CERS6: variants seen among roughly 807,000 people sequenced by gnomAD.
CERS6 encodes LAG1 homolog, ceramide synthase 6.
In CERS6, 26 loss-of-function variants were observed where a neutral mutation model predicts 56.8. The ratio of observed to expected loss-of-function variants is 0.46; its 90% CI spans 0.34 to 0.63. The LOEUF is 0.63. CERS6 is among the 30% of genes least tolerant of loss of function. The probability of loss-of-function intolerance (pLI) is 0.01; values close to 1 mark genes in which losing one functional copy is unlikely to be tolerated. For missense variants in CERS6, 415 were observed against 467.5 expected, an observed-to-expected ratio of 0.89 and a Z score of 1.04; for synonymous variants, 164 against 173.3, an observed-to-expected ratio of 0.95 and a Z score of 0.42.
At chr2:168,476,218 T>G (rs1452627865) in intron 1 of CERS6, among the ~76,000 whole-genome samples, 1 of 152,092 alleles carries the variant, frequency 6.6e-6, no homozygotes, top group Non-Finnish European at 1.5e-5. Context: ...CCTCTTTTTT[T>G]TTTTTAATCA....
intron 1 of CERS6, among the ~76,000 whole-genome samples, chr2:168,505,067 C>A (rs2105347187): frequency 6.6e-6 from 1 of 151,990 alleles, no homozygotes; most frequent in Admixed American, 6.6e-5. Context: ...AATGGTATCT[C>A]CCTAATGAGA....
At chr2:168,498,896 A>G (rs1035058552) in intron 1 of CERS6, among the ~76,000 whole-genome samples, 6 of 152,110 alleles carry the variant, frequency 3.9e-5, no homozygotes, top group African/African-American at 1.4e-4. Context: ...AGGGGGTATA[A>G]TGAGGTGTGT....
At chr2:168,645,181 A>AGAGAGAGAGAGT (rs1332171299) in intron 4 of CERS6, among the ~76,000 whole-genome samples, 16 of 120,668 alleles carry the variant, frequency 1.3e-4, no homozygotes, top group Non-Finnish European at 2.4e-4. Context: ...AGAGAGAGAG[A>AGAGAGAGAGAGT]GAGAGAGAGT....
chr2:168,496,171 T>C (rs1694464328), intron 1 of CERS6, among the ~76,000 whole-genome samples: 1 of 152,232 alleles, frequency 6.6e-6, no homozygotes, highest in Non-Finnish European at 1.5e-5. Flanking sequence ...ATTTCACTTA[T>C]TCAATTAATC....
At chr2:168,521,553 G>A (rs532809920) in intron 1 of CERS6, among the ~76,000 whole-genome samples, 1 of 152,272 alleles carries the variant, frequency 6.6e-6, no homozygotes, top group African/African-American at 2.4e-5. Flanking sequence ...ACACAGCTGC[G>A]CCAGGCATTT....
chr2:168,727,547 CAAAAAAA>C (rs1210219437), intron 8 of CERS6, among the ~76,000 whole-genome samples: 1 of 87,548 alleles, frequency 1.1e-5, no homozygotes, highest in Non-Finnish European at 2.4e-5. Flanking sequence ...GACTCCATCT[CAAAAAAA>C]AAAAAAAAAA....
At position 168,770,163 on chromosome 2, in the gene CERS6, A is replaced by G. The variant is rs116388011; in HGVS notation, c.*501A>G. On this transcript the variant is annotated 3_prime_UTR_variant, in exon 10 of 10. Transcript: ENST00000305747. Reference sequence around the variant, plus strand: ...TACAGTGCCCATTTTGAAATTGCCTATACAGTCTTAGTGACCATTTAAACC... The same window carrying G: ...TACAGTGCCCATTTTGAAATTGCCTGTACAGTCTTAGTGACCATTTAAACC... 251 of 158,688 alleles carry G rather than the reference A, an allele frequency of 1.6e-3. No individual in the cohort carries two copies. Among genetic ancestry groups the G allele is most frequent in the African/African-American group, 4.6e-3 (192 of 41,600 alleles). 9.8% of individuals were successfully genotyped at this position (158,688 alleles called of 1,614,324 possible).
chr2:168,624,353 A>G (rs990150977), intron 3 of CERS6, among the ~76,000 whole-genome samples: 1 of 152,188 alleles, frequency 6.6e-6, no homozygotes, highest in African/African-American at 2.4e-5. Context: ...TTTAATATTT[A>G]GTAGTAAAAA....
intron 9 of CERS6, chr2:168,766,378 C>T: frequency 1.3e-6 from 2 of 1,590,120 alleles, no homozygotes; most frequent in Non-Finnish European, 1.7e-6. Context: ...CTATCCCTGT[C>T]CTGAGTGCCT....
At chr2:168,480,943 G>A (rs951401174) in intron 1 of CERS6, among the ~76,000 whole-genome samples, 3 of 152,260 alleles carry the variant, frequency 2.0e-5, no homozygotes, top group South Asian at 4.1e-4. Context: ...AAAGATAGCC[G>A]GGAATTAGGG....
intron 8 of CERS6, among the ~76,000 whole-genome samples, chr2:168,721,908 A>G (rs542388216): frequency 6.6e-6 from 1 of 152,258 alleles, no homozygotes; most frequent in South Asian, 2.1e-4. Context: ...GTATGAGCCA[A>G]TGCACCCAGC....
rs1423692911 is a variant in CERS6, at chr2:168,773,494, A to G, written c.*3832A>G. 3 of 152,208 alleles carry G rather than the reference A, an allele frequency of 2.0e-5. No individual in the cohort carries two copies. The highest frequency in any genetic ancestry group is 1.5e-5 in the Non-Finnish European group (1 of 68,034). The allele number at this position is 152,208 out of a possible 1,614,324, so 9.4% of individuals were successfully genotyped here. A position where few individuals can be genotyped will look rare whatever the true frequency, so the allele number is the denominator to read the frequency against. On this transcript the variant is annotated 3_prime_UTR_variant, in exon 10 of 10. Coordinates refer to ENST00000305747, the MANE Select transcript of CERS6 (RefSeq NM_203463.3). ...GCCCTGAGATGTTTCTAACATTTAA[A>G]TAAGAAAAAAATCAAATCGAAGTCA...
chr2:168,564,412 C>A lies in CERS6; in HGVS notation c.407+3090C>A, dbSNP rs183053294. On this transcript the variant is annotated intron_variant, in intron 3 of 9. Transcript: ENST00000305747. ...TCATATGTCTCCTTATTTTTTTTATCTTGCATACACATAGACATTTTGTTT... is the reference window on the plus strand; with the variant it reads ...TCATATGTCTCCTTATTTTTTTTATATTGCATACACATAGACATTTTGTTT... Among the ~76,000 whole-genome samples, 90 of 152,030 alleles carry A rather than the reference C, an allele frequency of 5.9e-4. 1 individual carries two copies. Among genetic ancestry groups the A allele is most frequent in the Middle Eastern group, 3.4e-3 (1 of 294 alleles).
At chr2:168,721,554 G>T (rs202071405) in intron 8 of CERS6, among the ~76,000 whole-genome samples, 25 of 77,360 alleles carry the variant, frequency 3.2e-4, no homozygotes, top group African/African-American at 8.4e-4. Flanking sequence ...TTTTGTTTTT[G>T]TTTTTTTTTT....
At chr2:168,755,176 A>C (rs2105450703) in intron 8 of CERS6, among the ~76,000 whole-genome samples, 1 of 152,366 alleles carries the variant, frequency 6.6e-6, no homozygotes, top group Non-Finnish European at 1.5e-5. Flanking sequence ...ACCTTGGATA[A>C]TTAAATACTG....
chr2:168,716,665 A>C (rs1170885956), intron 7 of CERS6, among the ~76,000 whole-genome samples: 3 of 152,128 alleles, frequency 2.0e-5, no homozygotes, highest in Non-Finnish European at 4.4e-5. Flanking sequence ...TTATTTACTG[A>C]ATACTGGTGA....
chr2:168,456,441 A>G lies in CERS6; in HGVS notation c.-8A>G, dbSNP rs1573993822. 1.2e-6 allele frequency: 2 copies of G among 1,611,292 alleles called. No homozygotes were observed. Among genetic ancestry groups the G allele is most frequent in the Non-Finnish European group, 1.7e-6 (2 of 1,178,584 alleles). On this transcript the variant is annotated 5_prime_UTR_variant, in exon 1 of 10. Coordinates refer to ENST00000305747, the MANE Select transcript of CERS6 (RefSeq NM_203463.3). This position sits in a 1 kb window ranked among gnomAD's most constrained non-coding sequence, Gnocchi z 4.1. ...CGGGTGCCGCAGGACAGGAGTGGAC[A>G]AAGCAAGATGGCAGGGATCTTAGCC...
rs77352010 is a variant in CERS6 at position 168,622,012 on chromosome 2, G to C, written c.408-8973G>C. On this transcript the variant is annotated intron_variant, in intron 3 of 9. Coordinates refer to ENST00000305747, the MANE Select transcript of CERS6 (RefSeq NM_203463.3). ...TGAGTGAGCATAATTCTTGTGTACAGAATCTTTTAATAATGAAATATTTTA... is the reference window on the plus strand; with the variant it reads ...TGAGTGAGCATAATTCTTGTGTACACAATCTTTTAATAATGAAATATTTTA... 2.8e-3 allele frequency among the ~76,000 whole-genome samples: 427 copies of C among 152,298 alleles called. 4 individuals carry two copies. Among genetic ancestry groups the C allele is most frequent in the African/African-American group, 9.4e-3 (390 of 41,558 alleles).
chr2:168,603,136 T>A (rs1683973867), intron 3 of CERS6, among the ~76,000 whole-genome samples: 1 of 152,242 alleles, frequency 6.6e-6, no homozygotes, highest in African/African-American at 2.4e-5. Context: ...CCTTTAAATG[T>A]CAGGTGATGT....
Sources: allele counts gnomAD v4.1 joint callset (sites outside exome capture counted in the v4.1 genomes callset), GRCh38; gene constraint gnomAD v4.1.1; non-coding constraint Gnocchi (gnomAD v3.1); transcripts MANE v1.5; gene names NCBI Gene and HGNC (gene_info 2026-07-23, HGNC 2026-07-21).